The following BNC2 variants were observed in gnomAD, a reference collection of about 807,000 sequenced individuals.
BNC2 encodes zinc finger protein basonuclin-2.
BNC2 carries 20 observed loss-of-function variants against 76.3 expected under a neutral mutation model. The observed-to-expected ratio is 0.26, with a 90% CI of 0.18 to 0.38. The LOEUF is 0.38. BNC2 is among the 10% of genes least tolerant of loss of function. BNC2 has a pLI of 1.00. For missense variants in BNC2, 1,382 were observed against 1,399.8 expected, an observed-to-expected ratio of 0.99 and a Z score of 0.20; for synonymous variants, 582 against 514.8, an observed-to-expected ratio of 1.13 and a Z score of -1.77.
chr9:16,699,050 A>C (rs1398909064), intron 3 of BNC2: 2 of 368,900 alleles, frequency 5.4e-6, no homozygotes, highest in Non-Finnish European at 1.1e-5. Flanking sequence ...TGGGTTTTCC[A>C]GAAAGCTAAG....
rs1820490884 is a variant in BNC2, at chr9:16,412,720, G to GGAGAGAGAGAGAGAAAGAGA, written c.*6268_*6269insTCTCTTTCTCTCTCTCTCTC. ...AATAAGAGGGAAGGAGAGAGAGAGG[G>GGAGAGAGAGAGAGAAAGAGA]GAGAGAGAGAGAGAGAGAGAGAGAG... On this transcript the variant is annotated 3_prime_UTR_variant, in exon 7 of 7. Coordinates refer to ENST00000380672, the MANE Select transcript of BNC2 (RefSeq NM_017637.6). The GGAGAGAGAGAGAGAAAGAGA allele has an allele frequency of 8.3e-6, 1 of 119,866 alleles. No homozygotes were observed. Among genetic ancestry groups the GGAGAGAGAGAGAGAAAGAGA allele is most frequent in the Non-Finnish European group, 1.8e-5 (1 of 54,622 alleles). 7.4% of individuals were successfully genotyped at this position (119,866 alleles called of 1,614,324 possible). A position where few individuals can be genotyped will look rare whatever the true frequency, so the allele number is the denominator to read the frequency against.
intron 3 of BNC2, among the ~76,000 whole-genome samples, chr9:16,683,938 T>A (rs979251787): frequency 3.3e-5 from 5 of 152,212 alleles, no homozygotes; most frequent in African/African-American, 1.2e-4. Flanking sequence ...TTTCATTACT[T>A]TGTCCAGGAA....
At chr9:16,761,153 C>T (rs1431064065) in intron 1 of BNC2, among the ~76,000 whole-genome samples, 3 of 151,914 alleles carry the variant, frequency 2.0e-5, no homozygotes, top group African/African-American at 7.2e-5. Flanking sequence ...GAGGCTAAGG[C>T]AGGAAGCTCA....
intron 1 of BNC2, among the ~76,000 whole-genome samples, chr9:16,825,708 C>A (rs1818438212): frequency 6.6e-6 from 1 of 152,134 alleles, no homozygotes; most frequent in Non-Finnish European, 1.5e-5. Context: ...CTCCTAACTA[C>A]TGGCTCTTCA....
At chr9:16,463,294 CTTTTTTTT>C (rs34855187) in intron 5 of BNC2, among the ~76,000 whole-genome samples, 1 of 105,644 alleles carries the variant, frequency 9.5e-6, no homozygotes, top group Non-Finnish European at 1.7e-5. Flanking sequence ...GTATTAAATT[CTTTTTTTT>C]TTTTTTTTTT....
chr9:16,675,315 T>C (rs1471446664), intron 3 of BNC2, among the ~76,000 whole-genome samples: 1 of 152,090 alleles, frequency 6.6e-6, no homozygotes. Context: ...GCTGTCGTAA[T>C]GTGATATCGA....
At chr9:16,480,924 A>G (rs966761027) in intron 5 of BNC2, among the ~76,000 whole-genome samples, 54 of 152,298 alleles carry the variant, frequency 3.5e-4, no homozygotes, top group Non-Finnish European at 6.3e-4. Flanking sequence ...AGGCAGCTCC[A>G]CCTGCAGCCT....
At chr9:16,578,551 T>G (rs1422202102) in intron 4 of BNC2, among the ~76,000 whole-genome samples, 1 of 152,086 alleles carries the variant, frequency 6.6e-6, no homozygotes, top group Non-Finnish European at 1.5e-5. Flanking sequence ...ATTCTAGTTG[T>G]ACCAGCTAAT....
At chr9:16,732,300 G>A (rs1824534972) in intron 2 of BNC2, among the ~76,000 whole-genome samples, 1 of 152,018 alleles carries the variant, frequency 6.6e-6, no homozygotes, top group Non-Finnish European at 1.5e-5. Flanking sequence ...AGGGGAAGGG[G>A]ATATAACCTA....
intron 1 of BNC2, among the ~76,000 whole-genome samples, chr9:16,790,189 G>C (rs1817465841): frequency 6.6e-6 from 1 of 152,126 alleles, no homozygotes; most frequent in Non-Finnish European, 1.5e-5. Flanking sequence ...AGTAGAGACA[G>C]GGTTTCACCA....
At chr9:16,633,428 T>C (rs111343656) in intron 3 of BNC2, among the ~76,000 whole-genome samples, 1,600 of 152,344 alleles carry the variant, frequency 0.011, 29 homozygotes, top group African/African-American at 0.037. Flanking sequence ...ACTGTTACAA[T>C]AACTAAAGTC....
At chr9:16,637,373 A>G (rs1273175852) in intron 3 of BNC2, among the ~76,000 whole-genome samples, 1 of 152,210 alleles carries the variant, frequency 6.6e-6, no homozygotes, top group East Asian at 1.9e-4. Context: ...GCATTCTTAC[A>G]GTGTAAACAC....
At chr9:16,720,338 G>C (rs1824117776) in intron 3 of BNC2, among the ~76,000 whole-genome samples, 1 of 152,180 alleles carries the variant, frequency 6.6e-6, no homozygotes, top group African/African-American at 2.4e-5. Context: ...AGAGAGATGA[G>C]AAGAAAAGAG....
intron 1 of BNC2, among the ~76,000 whole-genome samples, chr9:16,786,272 T>C (rs1826290667): frequency 6.6e-6 from 1 of 152,092 alleles, no homozygotes; most frequent in South Asian, 2.1e-4. Context: ...TGAGTTGAAA[T>C]TGGGAAGGAC....
Position 16,566,267 on chromosome 9 carries a change from T to C in BNC2, c.434-13502A>G, listed in dbSNP as rs191111387. Among the ~76,000 whole-genome samples, 4 of 152,260 alleles carry C rather than the reference T, an allele frequency of 2.6e-5. No homozygotes were observed. In the East Asian group the frequency reaches 7.7e-4, roughly 29 times the overall value. On this transcript the variant is annotated intron_variant, in intron 4 of 6. Coordinates refer to ENST00000380672, the MANE Select transcript of BNC2 (RefSeq NM_017637.6). Reference sequence around the variant, plus strand: ...TAAAGAGTGTTGAGTAATCATACTGTTGGATGGATGAACACAGTTAAGTGT... The same window carrying C: ...TAAAGAGTGTTGAGTAATCATACTGCTGGATGGATGAACACAGTTAAGTGT...
At chr9:16,839,997 C>T (rs1266226150) in intron 1 of BNC2, among the ~76,000 whole-genome samples, 1 of 152,190 alleles carries the variant, frequency 6.6e-6, no homozygotes, top group African/African-American at 2.4e-5. Flanking sequence ...TAGCCTTTAC[C>T]AATCTATCAA....
At chr9:16,638,895 A>C (rs1173209343) in intron 3 of BNC2, among the ~76,000 whole-genome samples, 1 of 152,182 alleles carries the variant, frequency 6.6e-6, no homozygotes, top group African/African-American at 2.4e-5. Context: ...GTAACATCTA[A>C]ACACAATGAT....
At chr9:16,516,816 T>C (rs901154576) in intron 5 of BNC2, among the ~76,000 whole-genome samples, 5 of 152,232 alleles carry the variant, frequency 3.3e-5, no homozygotes, top group Admixed American at 1.3e-4. Context: ...TAAAAGCATC[T>C]CTTATGCTTA....
At chr9:16,612,627 C>T (rs1820581488) in intron 3 of BNC2, among the ~76,000 whole-genome samples, 1 of 152,132 alleles carries the variant, frequency 6.6e-6, no homozygotes, top group Non-Finnish European at 1.5e-5. Context: ...GACATGTAAA[C>T]ATAAATATGT....
Sources: gnomAD v4.1 joint callset for allele counts (sites outside exome capture counted in the v4.1 genomes callset) on GRCh38, gnomAD v4.1.1 for gene constraint, MANE v1.5 for transcripts, NCBI Gene and HGNC (gene_info 2026-07-23, HGNC 2026-07-21) for gene names.